Variants in ZNF385D observed in about 807,000 individuals in gnomAD.
ZNF385D encodes the protein zinc finger protein 659.
ZNF385D carries 15 observed loss-of-function variants against 35.8 expected under a neutral mutation model. The observed-to-expected ratio is 0.42, with a 90% confidence interval of 0.28 to 0.64. The LOEUF (loss-of-function observed/expected upper bound fraction) is 0.64. ZNF385D is among the 30% of genes least tolerant of loss of function. The pLI is 0.23. For missense variants in ZNF385D, 474 were observed against 494.6 expected (o/e 0.96, Z 0.39); for synonymous variants, 212 against 186.8 (o/e 1.13, Z -1.10).
rs1044178840 is a variant in ZNF385D at position 22,360,836 on chromosome 3, T to C, written c.106+11614A>G. ...TATGAAACAGAAATGAATAACTGTATTCCTATGAGATGCTATTAATCGGGG... is the reference window on the plus strand; with the variant it reads ...TATGAAACAGAAATGAATAACTGTACTCCTATGAGATGCTATTAATCGGGG... On this transcript the variant is annotated intron_variant, in intron 2 of 5. Coordinates refer to the ZNF385D transcript ENST00000494108. Among the ~76,000 whole-genome samples, 6 of 152,172 alleles carry C rather than the reference T, an allele frequency of 3.9e-5. No homozygotes were observed. The East Asian group carries it at 9.7e-4, about 25-fold the overall frequency.
At chr3:22,078,396 A>G (rs1700576263) in intron 3 of ZNF385D, among the ~76,000 whole-genome samples, 1 of 152,090 alleles carries the variant, frequency 6.6e-6, no homozygotes, top group South Asian at 2.1e-4. Flanking sequence ...AAATGATCCA[A>G]CCATGCAGTG....
intron 2 of ZNF385D, among the ~76,000 whole-genome samples, chr3:22,312,168 T>G (rs942974783): frequency 3.1e-4 from 47 of 152,192 alleles, no homozygotes; most frequent in South Asian, 2.1e-4. Flanking sequence ...CCCTTTGTAT[T>G]ATGATACTCG....
intron 3 of ZNF385D, among the ~76,000 whole-genome samples, chr3:21,913,501 C>T (rs1451484837): frequency 6.6e-6 from 1 of 152,048 alleles, no homozygotes; most frequent in Non-Finnish European, 1.5e-5. Flanking sequence ...TATGCTCATC[C>T]TTACAGTGTT....
chr3:22,159,515 G>A (rs888609249), intron 3 of ZNF385D, among the ~76,000 whole-genome samples: 1 of 152,154 alleles, frequency 6.6e-6, no homozygotes, highest in Non-Finnish European at 1.5e-5. Flanking sequence ...CTCAGGGACA[G>A]AGATTGCACA....
intron 3 of ZNF385D, among the ~76,000 whole-genome samples, chr3:22,103,231 A>C (rs1239688736): frequency 2.0e-5 from 3 of 149,592 alleles, no homozygotes; most frequent in African/African-American, 7.4e-5. Context: ...TTTTTTAAAT[A>C]CATGTCTGTC....
intron 3 of ZNF385D, among the ~76,000 whole-genome samples, chr3:21,992,498 G>A (rs531144963): frequency 8.0e-4 from 121 of 152,198 alleles, no homozygotes; most frequent in Middle Eastern, 3.4e-3. Flanking sequence ...TTCCCGTGGT[G>A]CAAGTTACTA....
intron 2 of ZNF385D, among the ~76,000 whole-genome samples, chr3:22,369,472 G>T (rs181155535): frequency 6.6e-6 from 1 of 152,008 alleles, no homozygotes; most frequent in African/African-American, 2.4e-5. Flanking sequence ...CTTAACTACT[G>T]CCAAAAAATA....
At chr3:21,811,494 T>C (rs1482074387) in intron 3 of ZNF385D, among the ~76,000 whole-genome samples, 5 of 152,114 alleles carry the variant, frequency 3.3e-5, no homozygotes, top group Non-Finnish European at 5.9e-5. Flanking sequence ...ACTGATGGAA[T>C]ACAAAATATG....
intron 2 of ZNF385D, among the ~76,000 whole-genome samples, chr3:21,662,311 A>T (rs1392634014): frequency 6.6e-6 from 1 of 152,142 alleles, no homozygotes; most frequent in East Asian, 1.9e-4. Context: ...GTGGATAAAT[A>T]ACTTGATGAT....
At chr3:21,827,328 A>T (rs2125753215) in intron 3 of ZNF385D, among the ~76,000 whole-genome samples, 1 of 152,328 alleles carries the variant, frequency 6.6e-6, no homozygotes, top group East Asian at 1.9e-4. Context: ...AAGTATTCAT[A>T]AACACATACA....
At chr3:22,191,196 A>G (rs1488887671) in intron 2 of ZNF385D, among the ~76,000 whole-genome samples, 1 of 149,508 alleles carries the variant, frequency 6.7e-6, no homozygotes, top group Non-Finnish European at 1.5e-5. Flanking sequence ...TTGACCTTAT[A>G]AGACAACTTT....
chr3:21,644,724 C>G (rs114066455), intron 2 of ZNF385D, among the ~76,000 whole-genome samples: 19 of 152,070 alleles, frequency 1.2e-4, no homozygotes, highest in Admixed American at 4.6e-4. Context: ...ACATTAAGTT[C>G]GGTTTGAAGA....
chr3:21,792,981 T>G (rs1308271835), intron 3 of ZNF385D, among the ~76,000 whole-genome samples: 2 of 152,196 alleles, frequency 1.3e-5, no homozygotes, highest in African/African-American at 4.8e-5. Flanking sequence ...TGTGCCTACA[T>G]AATGCAAATA....
intron 1 of ZNF385D, among the ~76,000 whole-genome samples, chr3:21,690,708 T>C (rs1452373446): frequency 6.6e-6 from 1 of 152,196 alleles, no homozygotes; most frequent in Non-Finnish European, 1.5e-5. Context: ...GCCAGCAGCG[T>C]CAACATCAAA....
At chr3:22,261,715 G>T (rs1242982035) in intron 2 of ZNF385D, among the ~76,000 whole-genome samples, 2 of 151,896 alleles carry the variant, frequency 1.3e-5, no homozygotes, top group African/African-American at 4.8e-5. Flanking sequence ...CATCTGCCCT[G>T]CCGTTTTGCC....
chr3:21,629,967 T>C lies in ZNF385D; in HGVS notation c.165+34919A>G, dbSNP rs113149218. Among the ~76,000 whole-genome samples the C allele has an allele frequency of 4.7e-3, 712 of 151,970 alleles. 4 individuals are homozygous for C. Among genetic ancestry groups the C allele is most frequent in the Middle Eastern group, 0.017 (5 of 294 alleles). On this transcript the variant is annotated intron_variant, in intron 2 of 7. Transcript: ENST00000281523. ...GGTTAAATATTCACTGTATTTATAA[T>C]AATTTCTCTGGGAGCACCTATGGAG...
At chr3:21,707,171 A>G (rs1338053621) in intron 1 of ZNF385D, among the ~76,000 whole-genome samples, 1 of 152,172 alleles carries the variant, frequency 6.6e-6, no homozygotes, top group Non-Finnish European at 1.5e-5. Flanking sequence ...TTAGTTAAAT[A>G]GTTATTATTC....
intron 2 of ZNF385D, among the ~76,000 whole-genome samples, chr3:21,663,919 T>TATATATATATA (rs1201308131): frequency 3.5e-3 from 137 of 39,094 alleles, no homozygotes; most frequent in African/African-American, 5.8e-3. Context: ...ATATATATAT[T>TATATATATATA]TATTTATTTA....
chr3:22,259,398 A>T (rs895252437), intron 2 of ZNF385D, among the ~76,000 whole-genome samples: 5 of 151,816 alleles, frequency 3.3e-5, no homozygotes, highest in Admixed American at 6.6e-5. Flanking sequence ...TGCTTGCTTG[A>T]CTCTGCCAAA....
Sources: gnomAD v4.1 joint callset for allele counts (sites outside exome capture counted in the v4.1 genomes callset) on GRCh38, gnomAD v4.1.1 for gene constraint, MANE v1.5 for transcripts, NCBI Gene and HGNC (gene_info 2026-07-23, HGNC 2026-07-21) for gene names.